GRIA1: variants seen among roughly 807,000 people sequenced by gnomAD.
The protein encoded by GRIA1 is glutamate ionotropic receptor AMPA type subunit 1.
A neutral mutation model predicts 99.2 loss-of-function variants in GRIA1; 31 were observed. The ratio of observed to expected loss-of-function variants is 0.31; its 90% CI spans 0.23 to 0.42. The LOEUF is 0.42. GRIA1 is among the 10% of genes least tolerant of loss of function. GRIA1 has a pLI of 1.00. For synonymous variants in GRIA1, 438 were observed against 432.4 expected, an observed-to-expected ratio of 1.01 and a Z score of -0.16; for missense variants, 782 against 1,157.5, an observed-to-expected ratio of 0.68 and a Z score of 4.71.
intron 13 of GRIA1, among the ~76,000 whole-genome samples, chr5:153,783,967 TC>T (rs1277351551): frequency 6.6e-6 from 1 of 152,158 alleles, no homozygotes; most frequent in East Asian, 1.9e-4. Context: ...TGGTGAAGTG[TC>T]CTAGGTAGTA....
intron 11 of GRIA1, among the ~76,000 whole-genome samples, chr5:153,759,136 T>A: frequency 6.7e-6 from 1 of 148,756 alleles, no homozygotes; most frequent in Non-Finnish European, 1.5e-5. Flanking sequence ...AGAAAGATAT[T>A]AACAACCTAG....
chr5:153,600,460 A>G (rs1764845541), intron 2 of GRIA1, among the ~76,000 whole-genome samples: 1 of 151,496 alleles, frequency 6.6e-6, no homozygotes, highest in African/African-American at 2.4e-5. Flanking sequence ...AGAAAAAGAG[A>G]AATGCCCTCA....
chr5:153,644,057 G>A (rs1753962617), intron 2 of GRIA1, among the ~76,000 whole-genome samples: 1 of 152,192 alleles, frequency 6.6e-6, no homozygotes, highest in Non-Finnish European at 1.5e-5. Context: ...CAAGGGGAGA[G>A]AAGAGATCCT....
At chr5:153,621,195 C>T (rs1767010406) in intron 2 of GRIA1, among the ~76,000 whole-genome samples, 1 of 152,146 alleles carries the variant, frequency 6.6e-6, no homozygotes, top group Non-Finnish European at 1.5e-5. Flanking sequence ...CTTTCTGTGG[C>T]ATCTATATCC....
chr5:153,491,282 T>C (rs1283465808), intron 1 of GRIA1: 1 of 1,302,152 alleles, frequency 7.7e-7, no homozygotes, highest in Non-Finnish European at 9.8e-7. Flanking sequence ...GGTGGGTGTT[T>C]AAGGAGTTAA....
chr5:153,490,252 AC>A, upstream of GRIA1: 1 of 173,498 alleles, frequency 5.8e-6, no homozygotes, highest in Non-Finnish European at 1.2e-5. Flanking sequence ...TATTGTGGGG[AC>A]CCCCTGCCAC....
intron 11 of GRIA1, among the ~76,000 whole-genome samples, chr5:153,748,431 AG>A (rs1347092366): frequency 1.3e-5 from 2 of 152,210 alleles, no homozygotes; most frequent in African/African-American, 4.8e-5. Flanking sequence ...AGGAAAAGAC[AG>A]TACAAGAGGA....
At chr5:153,503,323 C>T (rs984020126) in intron 2 of GRIA1, among the ~76,000 whole-genome samples, 3 of 152,232 alleles carry the variant, frequency 2.0e-5, no homozygotes, top group African/African-American at 4.8e-5. Flanking sequence ...TGCTGTGTAA[C>T]CTTGAAAAGC....
rs191538813 is a variant in GRIA1, at chr5:153,588,061, A to G, written c.221-58867A>G. The stretch of plus-strand genomic sequence containing the variant: ...GAAAGGTCATTCCTGCCAATTGAAA[A>G]GACATGTACAAATATTCTTCAATGG... On this transcript the variant is annotated intron_variant, in intron 2 of 15. Coordinates refer to ENST00000285900, the MANE Select transcript of GRIA1 (RefSeq NM_000827.4). Among the ~76,000 whole-genome samples, 415 of 152,338 alleles carry G rather than the reference A, an allele frequency of 2.7e-3. 1 individual carries two copies. The highest frequency in any genetic ancestry group is 7.2e-3 in the African/African-American group (300 of 41,584).
chr5:153,695,852 T>G (rs1450347166), intron 8 of GRIA1, among the ~76,000 whole-genome samples: 1 of 152,216 alleles, frequency 6.6e-6, no homozygotes, highest in Non-Finnish European at 1.5e-5. Context: ...GGGTGCACCA[T>G]GTCCATGCTG....
chr5:153,643,098 C>A (rs928063755), intron 2 of GRIA1, among the ~76,000 whole-genome samples: 1 of 152,078 alleles, frequency 6.6e-6, no homozygotes, highest in African/African-American at 2.4e-5. Context: ...ACAAGGGAAT[C>A]CAAGAACTCA....
chr5:153,522,780 G>C (rs1181490769), intron 2 of GRIA1, among the ~76,000 whole-genome samples: 1 of 152,190 alleles, frequency 6.6e-6, no homozygotes, highest in East Asian at 1.9e-4. Flanking sequence ...TAACTTTAAA[G>C]GAGGTAGAAA....
intron 5 of GRIA1, among the ~76,000 whole-genome samples, chr5:153,665,749 A>G (rs1006187597): frequency 1.3e-5 from 2 of 152,204 alleles, no homozygotes; most frequent in African/African-American, 2.4e-5. Context: ...TCTATTTTCA[A>G]ATGGAATCTT....
intron 8 of GRIA1, among the ~76,000 whole-genome samples, chr5:153,693,213 A>T (rs1008551374): frequency 2.0e-5 from 3 of 152,134 alleles, no homozygotes; most frequent in Non-Finnish European, 2.9e-5. Context: ...ACTCTGCTGG[A>T]GATTTTTGGG....
intron 2 of GRIA1, among the ~76,000 whole-genome samples, chr5:153,598,741 T>C (rs1764634477): frequency 6.6e-6 from 1 of 152,156 alleles, no homozygotes; most frequent in Non-Finnish European, 1.5e-5. Context: ...CCACTGAAAA[T>C]CTACAATCTA....
At chr5:153,749,701 T>C (rs555990022) in intron 11 of GRIA1, among the ~76,000 whole-genome samples, 2 of 152,066 alleles carry the variant, frequency 1.3e-5, no homozygotes, top group South Asian at 2.1e-4. Flanking sequence ...GGGATCAAAT[T>C]TGAACATGAG....
intron 13 of GRIA1, among the ~76,000 whole-genome samples, chr5:153,777,030 C>T (rs1163142916): frequency 6.6e-6 from 1 of 152,124 alleles, no homozygotes; most frequent in Non-Finnish European, 1.5e-5. Flanking sequence ...TTTTGTGTGG[C>T]ATTAAGTCGA....
At chr5:153,530,193 C>A (rs752670933) in intron 2 of GRIA1, among the ~76,000 whole-genome samples, 6 of 152,196 alleles carry the variant, frequency 3.9e-5, no homozygotes, top group Non-Finnish European at 8.8e-5. Flanking sequence ...AACTCAGCCA[C>A]AGAAAGGTTA....
intron 2 of GRIA1, among the ~76,000 whole-genome samples, chr5:153,618,870 G>A (rs1766764699): frequency 6.6e-6 from 1 of 152,180 alleles, no homozygotes; most frequent in Non-Finnish European, 1.5e-5. Context: ...TATAAAAGCA[G>A]AAGCATGTAT....
Sources: gnomAD v4.1 joint callset for allele counts (sites outside exome capture counted in the v4.1 genomes callset) on GRCh38, gnomAD v4.1.1 for gene constraint, MANE v1.5 for transcripts, NCBI Gene and HGNC (gene_info 2026-07-23, HGNC 2026-07-21) for gene names.